The following HORMAD2 variants were observed in gnomAD, a reference collection of about 807,000 sequenced individuals.
HORMAD2 encodes the protein HORMA domain containing 2.
Under a neutral mutation model 38.8 loss-of-function variants are expected in HORMAD2, and 45 were observed. The ratio of observed to expected loss-of-function variants is 1.16; its 90% CI spans 0.91 to 1.49. HORMAD2 has a LOEUF of 1.49. Among genes scored for constraint, HORMAD2 ranks in the 40% most tolerant of loss-of-function variants. HORMAD2 has a pLI of 0.00. For missense variants in HORMAD2, 338 were observed against 367.0 expected, an observed-to-expected ratio of 0.92 and a Z score of 0.65; for synonymous variants, 126 against 122.8, an observed-to-expected ratio of 1.03 and a Z score of -0.17.
At chr22:30,142,223 G>A (rs1001351574) in intron 10 of HORMAD2, among the ~76,000 whole-genome samples, 1 of 152,172 alleles carries the variant, frequency 6.6e-6, no homozygotes, top group Admixed American at 6.5e-5. Context: ...AGGTTGTAGT[G>A]AGCTGTGATC....
At chr22:30,116,920 T>C (rs529915713) in intron 7 of HORMAD2, among the ~76,000 whole-genome samples, 2 of 151,342 alleles carry the variant, frequency 1.3e-5, no homozygotes, top group African/African-American at 4.9e-5. Context: ...CACCCAGCAT[T>C]GGCTAAGAGA....
intron 10 of HORMAD2, among the ~76,000 whole-genome samples, chr22:30,133,387 T>C (rs1923416669): frequency 6.6e-6 from 1 of 151,572 alleles, no homozygotes; most frequent in African/African-American, 2.4e-5. Context: ...CTGACAATGG[T>C]AAAGAAAAGT....
intron 10 of HORMAD2, among the ~76,000 whole-genome samples, chr22:30,127,549 C>A (rs1922972179): frequency 6.6e-6 from 1 of 152,092 alleles, no homozygotes; most frequent in Non-Finnish European, 1.5e-5. Context: ...CTTCATGTTG[C>A]CCAGGCTGGT....
intron 7 of HORMAD2, among the ~76,000 whole-genome samples, chr22:30,117,173 A>G (rs1922104113): frequency 6.6e-6 from 1 of 152,240 alleles, no homozygotes; most frequent in Admixed American, 6.5e-5. Flanking sequence ...ATTAAGTTTC[A>G]TGTTAAGGTT....
At chr22:30,134,387 T>TTA (rs10680910) in intron 10 of HORMAD2, among the ~76,000 whole-genome samples, 11,202 of 146,690 alleles carry the variant, frequency 0.076, 504 homozygotes, top group African/African-American at 0.089. Context: ...ATATATATGA[T>TTA]TATATATATA....
chr22:30,206,042 C>A, the HORMAD2 span, among the ~76,000 whole-genome samples: 3 of 152,282 alleles, frequency 2.0e-5, no homozygotes, highest in South Asian at 4.1e-4. Flanking sequence ...CATTGCTAAG[C>A]AACTCTCGCG....
chr22:30,199,275 C>G, the HORMAD2 span, among the ~76,000 whole-genome samples: 3 of 152,212 alleles, frequency 2.0e-5, no homozygotes, highest in Non-Finnish European at 2.9e-5. Flanking sequence ...TACCTCTCCC[C>G]CTTTCTTTCT....
At chr22:30,083,289 A>G (rs1233034979) in intron 1 of HORMAD2, among the ~76,000 whole-genome samples, 1 of 152,190 alleles carries the variant, frequency 6.6e-6, no homozygotes, top group East Asian at 1.9e-4. Context: ...AGGGAATGGT[A>G]TTGATGAACT....
intron 10 of HORMAD2, among the ~76,000 whole-genome samples, chr22:30,170,372 T>C (rs1189507409): frequency 6.6e-6 from 1 of 152,208 alleles, no homozygotes; most frequent in East Asian, 1.9e-4. Flanking sequence ...TACCGTGCCC[T>C]GAACTGCCTT....
intron 10 of HORMAD2, among the ~76,000 whole-genome samples, chr22:30,170,733 C>T (rs1926060088): frequency 6.6e-6 from 1 of 152,178 alleles, no homozygotes. Flanking sequence ...AGCTCAATGT[C>T]TCTCTTCTAA....
intron 10 of HORMAD2, among the ~76,000 whole-genome samples, chr22:30,152,412 G>C (rs1461414527): frequency 1.3e-5 from 2 of 151,906 alleles, no homozygotes; most frequent in Admixed American, 1.3e-4. Context: ...GGCTGGACTT[G>C]GACTCCTGGG....
At chr22:30,084,832 G>C (rs2068542126) in intron 1 of HORMAD2, among the ~76,000 whole-genome samples, 1 of 151,974 alleles carries the variant, frequency 6.6e-6, no homozygotes, top group Admixed American at 6.6e-5. Flanking sequence ...CCAGTACTGT[G>C]ATGATGCTGA....
intron 10 of HORMAD2, among the ~76,000 whole-genome samples, chr22:30,133,649 C>CA (rs948346818): frequency 2.3e-4 from 34 of 148,806 alleles, no homozygotes; most frequent in Middle Eastern, 3.4e-3. Context: ...AAACAAAAAA[C>CA]AAAAAAAAGG....
intron 10 of HORMAD2, among the ~76,000 whole-genome samples, chr22:30,142,785 T>A (rs1041116871): frequency 2.6e-5 from 4 of 152,202 alleles, no homozygotes; most frequent in African/African-American, 9.6e-5. Flanking sequence ...TTCCTTGCAC[T>A]GAGTGAATGA....
the HORMAD2 span, among the ~76,000 whole-genome samples, chr22:30,191,416 T>C: frequency 4.6e-5 from 7 of 152,142 alleles, 1 homozygote; most frequent in Admixed American, 2.0e-4. Context: ...GCTCCTTCTA[T>C]GAGTGCTGTG....
At chr22:30,092,761 A>G (rs1188267817) in intron 1 of HORMAD2, among the ~76,000 whole-genome samples, 6 of 152,152 alleles carry the variant, frequency 3.9e-5, no homozygotes, top group South Asian at 4.1e-4. Context: ...TCCCCAATGT[A>G]TGTTCTTGGT....
At chr22:30,185,871 A>AT in the HORMAD2 span, among the ~76,000 whole-genome samples, 8 of 151,780 alleles carry the variant, frequency 5.3e-5, no homozygotes, top group South Asian at 2.1e-4. Flanking sequence ...TAAAAAAAAA[A>AT]AAATAAAAAG....
Position 30,098,925 on chromosome 22 carries a change from C to G in HORMAD2, c.125C>G (p.Ser42Cys), listed in dbSNP as rs770827964. Reference protein sequence around the residue: ...LKMVKKLFATSISCITYLRGL... With the variant: ...LKMVKKLFATCISCITYLRGL... The stretch of plus-strand genomic sequence containing the variant: ...ATGGTGAAGAAACTTTTTGCTACTT[C>G]CATCTCATGTATAACATACCTAAGG... The change falls in exon 3 of 11, where the codon TCC (serine) becomes TGC (cysteine). Residue 42 changes from serine (S) to cysteine (C), a missense_variant. Physicochemically the swap from Ser to Cys is moderately radical, Grantham distance 112. Transcript: ENST00000336726. The G allele has an allele frequency of 6.2e-7, 1 of 1,613,184 alleles. No individual in the cohort carries two copies. Among genetic ancestry groups the G allele is most frequent in the African/African-American group, 1.3e-5 (1 of 74,886 alleles).
intron 7 of HORMAD2, among the ~76,000 whole-genome samples, chr22:30,114,400 G>A (rs1921890909): frequency 2.0e-5 from 3 of 152,098 alleles, no homozygotes; most frequent in Admixed American, 2.0e-4. Flanking sequence ...CTGTGGTATA[G>A]CAATGTTCAT....
Sources: allele counts gnomAD v4.1 joint callset (sites outside exome capture counted in the v4.1 genomes callset), GRCh38; gene constraint gnomAD v4.1.1; transcripts MANE v1.5; gene names NCBI Gene and HGNC (gene_info 2026-07-23, HGNC 2026-07-21).